The following TPRG1 variants were observed in gnomAD, a reference collection of about 807,000 sequenced individuals.
The protein encoded by TPRG1 is tumor protein p63 regulated 1, also known as tumor protein p63-regulated gene 1 protein.
In TPRG1, 29 loss-of-function variants were observed where a neutral mutation model predicts 29.3. The observed-to-expected ratio is 0.99, with a 90% CI of 0.74 to 1.35. The LOEUF (loss-of-function observed/expected upper bound fraction) is 1.35. TPRG1 is among the 40% of genes most tolerant of loss of function. TPRG1 has a pLI of 0.00. For synonymous variants in TPRG1, 130 were observed against 116.8 expected (o/e 1.11, Z -0.73); for missense variants, 327 against 335.0 (o/e 0.98, Z 0.19).
At chr3:189,078,806 C>T (rs761357520) in intron 4 of TPRG1, among the ~76,000 whole-genome samples, 3 of 152,132 alleles carry the variant, frequency 2.0e-5, no homozygotes, top group Non-Finnish European at 4.4e-5. Flanking sequence ...GAGTCTATGT[C>T]TTTATTTAAC....
In TPRG1 at chr3:189,320,795, T is replaced by G; in HGVS notation, c.803T>G (p.Leu268Arg). ...IGNRNKLGYS[L>R]ARGSIGF ...AACCGCAACAAACTTGGCTATTCCC[T>G]TGCCCGTGGGAGTATTGGTTTTTGA... The change falls in exon 6 of 6, where the codon CTT becomes CGT. Residue 268 changes from leucine (L) to arginine (R), a missense_variant. Coordinates refer to ENST00000345063, the MANE Select transcript of TPRG1 (RefSeq NM_198485.4). The G allele has an allele frequency of 6.2e-7, 1 of 1,603,866 alleles. No individual in the cohort carries two copies. The highest frequency in any genetic ancestry group is 2.3e-5 in the East Asian group (1 of 44,126).
intron 3 of TPRG1, among the ~76,000 whole-genome samples, chr3:189,145,421 G>T (rs772127299): frequency 3.3e-5 from 5 of 150,182 alleles, no homozygotes; most frequent in Non-Finnish European, 7.4e-5. Context: ...AACACAAAGA[G>T]ATGGCGTAAT....
chr3:189,299,563 A>C (rs1720505447), intron 4 of TPRG1, among the ~76,000 whole-genome samples: 1 of 152,002 alleles, frequency 6.6e-6, no homozygotes, highest in South Asian at 2.1e-4. Context: ...AAAAATAAAA[A>C]CAGCTGGAGT....
At chr3:189,273,755 G>A (rs1362810955) in intron 4 of TPRG1, among the ~76,000 whole-genome samples, 1 of 152,056 alleles carries the variant, frequency 6.6e-6, no homozygotes, top group South Asian at 2.1e-4. Flanking sequence ...CTGTGTCTGG[G>A]CTTTCTCATG....
chr3:189,177,815 A>G (rs575585032), intron 1 of TPRG1, among the ~76,000 whole-genome samples: 12 of 152,252 alleles, frequency 7.9e-5, no homozygotes, highest in East Asian at 3.9e-4. Flanking sequence ...TCTGTAGACA[A>G]TGCATCCCTA....
chr3:189,002,491 T>C (rs1024758226), intron 2 of TPRG1, among the ~76,000 whole-genome samples: 3 of 152,142 alleles, frequency 2.0e-5, no homozygotes, highest in African/African-American at 7.2e-5. Flanking sequence ...TTTTTCAGTT[T>C]CTAGAGTCAT....
At chr3:189,072,106 C>T (rs2152155766) in intron 4 of TPRG1, among the ~76,000 whole-genome samples, 1 of 152,296 alleles carries the variant, frequency 6.6e-6, no homozygotes, top group Non-Finnish European at 1.5e-5. Context: ...TTTATGTTCT[C>T]ACTGAACTTG....
chr3:189,311,554 C>T (rs775824983), intron 5 of TPRG1, among the ~76,000 whole-genome samples: 2 of 152,146 alleles, frequency 1.3e-5, no homozygotes, highest in Non-Finnish European at 2.9e-5. Context: ...TATTTGATTA[C>T]AGGCTAGATG....
At chr3:189,242,020 A>G (rs1164814851) in intron 4 of TPRG1, among the ~76,000 whole-genome samples, 1 of 152,122 alleles carries the variant, frequency 6.6e-6, no homozygotes, top group Non-Finnish European at 1.5e-5. Context: ...AGCTTTCTCC[A>G]TACTATAATT....
intron 1 of TPRG1, among the ~76,000 whole-genome samples, chr3:189,196,718 A>G (rs1732593978): frequency 6.6e-6 from 1 of 152,230 alleles, no homozygotes; most frequent in African/African-American, 2.4e-5. Flanking sequence ...CAGCCAAATC[A>G]TATCACACTG....
At chr3:189,145,072 A>T (rs1226079532) in intron 3 of TPRG1, among the ~76,000 whole-genome samples, 1 of 152,136 alleles carries the variant, frequency 6.6e-6, no homozygotes, top group East Asian at 1.9e-4. Flanking sequence ...CCAAGTATAA[A>T]AATGACACCG....
chr3:189,031,495 G>T (rs1400472305), intron 4 of TPRG1, among the ~76,000 whole-genome samples: 1 of 152,100 alleles, frequency 6.6e-6, no homozygotes, highest in African/African-American at 2.4e-5. Flanking sequence ...AGCAACATTG[G>T]GTGGTAGGTT....
chr3:189,121,612 T>A (rs1476169261), intron 1 of TPRG1: 1 of 152,238 alleles, frequency 6.6e-6, no homozygotes, highest in Non-Finnish European at 1.5e-5. Flanking sequence ...GAATTATTTG[T>A]TCTTGAAGCA....
intron 3 of TPRG1, among the ~76,000 whole-genome samples, chr3:189,139,814 T>C (rs1165318622): frequency 6.6e-6 from 1 of 152,150 alleles, no homozygotes; most frequent in African/African-American, 2.4e-5. Context: ...CATGGAAATG[T>C]ACCGGCTGGT....
intron 4 of TPRG1, among the ~76,000 whole-genome samples, chr3:189,274,668 G>A (rs529382032): frequency 6.6e-6 from 1 of 152,112 alleles, no homozygotes; most frequent in African/African-American, 2.4e-5. Context: ...TCAAATTTTT[G>A]CAAAATAATC....
intron 4 of TPRG1, among the ~76,000 whole-genome samples, chr3:189,075,511 G>A (rs966180700): frequency 6.6e-6 from 1 of 152,176 alleles, no homozygotes; most frequent in African/African-American, 2.4e-5. Context: ...AATTTGAGTA[G>A]ATGGGCCCAT....
chr3:189,033,439 G>A (rs181557486), intron 4 of TPRG1, among the ~76,000 whole-genome samples: 8 of 151,988 alleles, frequency 5.3e-5, no homozygotes, highest in East Asian at 1.9e-4. Context: ...GTGCCACCAC[G>A]CCCAGCTAAT....
chr3:189,178,318 C>T (rs887293275), intron 1 of TPRG1, among the ~76,000 whole-genome samples: 8 of 152,144 alleles, frequency 5.3e-5, no homozygotes, highest in African/African-American at 1.9e-4. Context: ...CACTTGAGGC[C>T]AGGAGTTCCA....
chr3:189,059,822 T>C (rs1175080279), intron 4 of TPRG1, among the ~76,000 whole-genome samples: 3 of 152,166 alleles, frequency 2.0e-5, no homozygotes, highest in Non-Finnish European at 4.4e-5. Flanking sequence ...GGATGCAAGG[T>C]TGATTCAACA....
Sources: allele counts gnomAD v4.1 joint callset (sites outside exome capture counted in the v4.1 genomes callset), GRCh38; gene constraint gnomAD v4.1.1; transcripts MANE v1.5; gene names NCBI Gene and HGNC (gene_info 2026-07-23, HGNC 2026-07-21).